RELN: variants seen among roughly 807,000 people sequenced by gnomAD.
The protein encoded by RELN is reelin.
RELN carries 108 observed loss-of-function variants against 427.6 expected under a neutral mutation model. The observed-to-expected ratio is 0.25, with a 90% CI of 0.22 to 0.30. RELN has a LOEUF of 0.30. Among genes scored for constraint, RELN ranks in the 10% least tolerant of loss-of-function variants. RELN has a pLI of 1.00. For synonymous variants in RELN, 1,524 were observed against 1,513.4 expected (o/e 1.01, Z -0.16); for missense variants, 3,715 against 4,302.8 (o/e 0.86, Z 3.82).
chr7:103,890,968 A>C (rs1295944178), intron 2 of RELN, among the ~76,000 whole-genome samples: 2 of 151,994 alleles, frequency 1.3e-5, no homozygotes, highest in East Asian at 3.9e-4. Flanking sequence ...CCCAGCTGTA[A>C]TCCCTCAGGA....
intron 11 of RELN, among the ~76,000 whole-genome samples, chr7:103,681,786 CAATAT>C (rs1418579515): frequency 6.6e-6 from 1 of 152,030 alleles, no homozygotes; most frequent in East Asian, 1.9e-4. Context: ...ACAAAAATCT[CAATAT>C]AATAGTAATG....
intron 29 of RELN, among the ~76,000 whole-genome samples, chr7:103,574,865 C>T (rs1397982415): frequency 6.6e-6 from 1 of 152,182 alleles, no homozygotes; most frequent in African/African-American, 2.4e-5. Flanking sequence ...TCCAATTTTC[C>T]TCTTTAATCT....
intron 21 of RELN, among the ~76,000 whole-genome samples, chr7:103,611,069 A>G (rs995424263): frequency 1.2e-4 from 19 of 152,192 alleles, no homozygotes; most frequent in African/African-American, 4.1e-4. Context: ...ATACAAACAG[A>G]GACGGATTAG....
intron 29 of RELN, 137 bp from the exon 30 acceptor site, chr7:103,574,436 A>C: frequency 4.9e-5 from 37 of 748,224 alleles, no homozygotes; most frequent in East Asian, 8.0e-5. Flanking sequence ...TTTGTATCTC[A>C]CAACTGTCGG....
chr7:103,977,646 C>T (rs1796908767), intron 1 of RELN, among the ~76,000 whole-genome samples: 6 of 152,126 alleles, frequency 3.9e-5, no homozygotes, highest in Admixed American at 3.3e-4. Context: ...AGAAAAGCCT[C>T]CCTACTGGTT....
intron 2 of RELN, among the ~76,000 whole-genome samples, chr7:103,840,218 C>T (rs759515495): frequency 2.0e-5 from 3 of 152,174 alleles, no homozygotes; most frequent in Admixed American, 6.5e-5. Flanking sequence ...ATAAAAGAAT[C>T]GGTTTACGTT....
At chr7:103,957,199 C>T (rs1796450723) in intron 1 of RELN, among the ~76,000 whole-genome samples, 1 of 82,528 alleles carries the variant, frequency 1.2e-5, no homozygotes, top group Admixed American at 1.0e-4. Context: ...ACACTAACAT[C>T]TGTCTCAAGT....
At chr7:103,745,038 C>T (rs1790780504) in intron 6 of RELN, among the ~76,000 whole-genome samples, 2 of 152,222 alleles carry the variant, frequency 1.3e-5, no homozygotes, top group African/African-American at 4.8e-5. Flanking sequence ...GAAACCGAAT[C>T]CAGCAGCACA....
intron 19 of RELN, among the ~76,000 whole-genome samples, chr7:103,633,076 A>AT (rs998133544): frequency 5.2e-4 from 79 of 152,256 alleles, no homozygotes; most frequent in African/African-American, 1.8e-3. Flanking sequence ...GATATATTAA[A>AT]TTTTTATTAA....
rs1036480378 is a variant in RELN, at chr7:103,836,009, G to A, written c.338-2337C>T. On this transcript the variant is annotated intron_variant, in intron 2 of 64. Coordinates refer to ENST00000428762, the MANE Select transcript of RELN (RefSeq NM_005045.4). Reference sequence around the variant, plus strand: ...CTCACTCCGTCACCCAGGCTAGAGCGCAATGGTGCAACCTTGGCTTACTGC... The same window carrying A: ...CTCACTCCGTCACCCAGGCTAGAGCACAATGGTGCAACCTTGGCTTACTGC... Among the ~76,000 whole-genome samples the A allele has an allele frequency of 8.1e-5, 12 of 148,050 alleles. No individual in the cohort carries two copies. The East Asian group carries it at 2.2e-3, about 27-fold the overall frequency.
At chr7:103,514,760 T>C (rs2117074961) in intron 50 of RELN, among the ~76,000 whole-genome samples, 1 of 152,274 alleles carries the variant, frequency 6.6e-6, no homozygotes, top group African/African-American at 2.4e-5. Flanking sequence ...GGACATGACC[T>C]AAGACATGAA....
intron 22 of RELN, among the ~76,000 whole-genome samples, chr7:103,607,175 C>A (rs759702005): frequency 5.9e-5 from 9 of 151,802 alleles, no homozygotes; most frequent in Non-Finnish European, 1.3e-4. Context: ...AGCACACCAA[C>A]ATGGCACATG....
At chr7:103,517,402 A>G (rs546035933) in intron 49 of RELN, among the ~76,000 whole-genome samples, 1 of 152,324 alleles carries the variant, frequency 6.6e-6, no homozygotes, top group South Asian at 2.1e-4. Flanking sequence ...AATCTCTGGA[A>G]TGGAAATTTA....
chr7:103,893,567 C>A (rs1794895035), intron 2 of RELN, among the ~76,000 whole-genome samples: 1 of 152,156 alleles, frequency 6.6e-6, no homozygotes, highest in Non-Finnish European at 1.5e-5. Context: ...TGCTAAAGAT[C>A]TAATGTATAT....
intron 1 of RELN, among the ~76,000 whole-genome samples, chr7:103,921,654 T>G (rs992820035): frequency 2.6e-5 from 4 of 152,190 alleles, no homozygotes; most frequent in Admixed American, 2.0e-4. Context: ...ATCTCTAGCT[T>G]CCTAATGTCC....
Position 103,953,830 on chromosome 7 carries a change from A to G in RELN, c.226+35301T>C, listed in dbSNP as rs1419844950. On this transcript the variant is annotated intron_variant, in intron 1 of 64. Coordinates refer to ENST00000428762, the MANE Select transcript of RELN (RefSeq NM_005045.4). This position sits in a 1 kb window ranked among gnomAD's most constrained non-coding sequence, Gnocchi z 4.3. ...GCCTATAATCCCAACTACTCGGGAG[A>G]CTGAGGCAGGAGAATCCCCTCAACC... Among the ~76,000 whole-genome samples, 1 of 152,024 alleles carries G rather than the reference A, an allele frequency of 6.6e-6. No homozygotes were observed. The highest frequency in any genetic ancestry group is 6.6e-5 in the Admixed American group (1 of 15,246).
At chr7:103,705,929 T>C (rs1043940398) in intron 8 of RELN, among the ~76,000 whole-genome samples, 5 of 152,254 alleles carry the variant, frequency 3.3e-5, no homozygotes, top group Non-Finnish European at 7.3e-5. Context: ...TTAGCTATGA[T>C]TGAATATTTT....
intron 64 of RELN, among the ~76,000 whole-genome samples, chr7:103,476,228 G>T (rs1055740202): frequency 4.2e-4 from 64 of 152,268 alleles, no homozygotes; most frequent in African/African-American, 1.4e-3. Context: ...ACTTTGGGAG[G>T]CTGAGGAAGG....
chr7:103,728,343 A>G, intron 6 of RELN, 136 bp from the exon 7 acceptor site: 1 of 828,202 alleles, frequency 1.2e-6, no homozygotes, highest in South Asian at 1.4e-5. Flanking sequence ...AGTATTTTGC[A>G]TCATGATAAG....
Sources: gnomAD v4.1 joint callset for allele counts (sites outside exome capture counted in the v4.1 genomes callset) on GRCh38, gnomAD v4.1.1 for gene constraint, Gnocchi (gnomAD v3.1) non-coding constraint, MANE v1.5 for transcripts, NCBI Gene and HGNC (gene_info 2026-07-23, HGNC 2026-07-21) for gene names.